The following CCSER1 variants were observed in gnomAD, a reference collection of about 807,000 sequenced individuals.
The protein encoded by CCSER1 is serine-rich coiled-coil domain-containing protein 1.
Under a neutral mutation model 82.0 loss-of-function variants are expected in CCSER1, and 41 were observed. The observed-to-expected ratio is 0.50, with a 90% CI of 0.39 to 0.65. CCSER1 has a LOEUF of 0.65. Ranked by LOEUF, CCSER1 falls within the 30% of genes least tolerant of loss-of-function variation. The probability of loss-of-function intolerance (pLI) is 0.00; values close to 1 mark genes in which losing one functional copy is unlikely to be tolerated. For missense variants in CCSER1, 1,119 were observed against 1,064.2 expected (o/e 1.05, Z -0.72); for synonymous variants, 414 against 383.9 (o/e 1.08, Z -0.92).
chr4:90,562,724 G>T (rs1026236138), intron 5 of CCSER1, among the ~76,000 whole-genome samples: 4 of 151,616 alleles, frequency 2.6e-5, no homozygotes, highest in African/African-American at 9.7e-5. Context: ...TTTTAGTAGA[G>T]ATAAGGTTTC....
chr4:90,158,664 C>T (rs995500884), intron 1 of CCSER1, among the ~76,000 whole-genome samples: 6 of 152,282 alleles, frequency 3.9e-5, no homozygotes, highest in South Asian at 4.1e-4. Flanking sequence ...ACTCCGTGGG[C>T]GTAGGACCCT....
chr4:90,559,631 G>C (rs1479647515), intron 5 of CCSER1, among the ~76,000 whole-genome samples: 1 of 151,756 alleles, frequency 6.6e-6, no homozygotes, highest in East Asian at 1.9e-4. Context: ...GGCCAGCCTG[G>C]GCAATATGGC....
At chr4:91,396,036 T>C (rs1751959230) in intron 10 of CCSER1, among the ~76,000 whole-genome samples, 1 of 152,102 alleles carries the variant, frequency 6.6e-6, no homozygotes, top group Non-Finnish European at 1.5e-5. Flanking sequence ...CGTGTATTCA[T>C]TTCTAGATAG....
chr4:91,598,456 A>T (rs886889261), intron 10 of CCSER1, 116 bp from the exon 11 acceptor site: 2 of 1,069,264 alleles, frequency 1.9e-6, no homozygotes, highest in Non-Finnish European at 1.3e-6. Flanking sequence ...TAATTTTATA[A>T]ACCTCATTGA....
intron 10 of CCSER1, among the ~76,000 whole-genome samples, chr4:91,418,963 A>G (rs775997321): frequency 6.6e-6 from 1 of 152,048 alleles, no homozygotes; most frequent in Non-Finnish European, 1.5e-5. Flanking sequence ...TAAGTGTAAT[A>G]TATCACATTT....
At position 90,835,578 on chromosome 4, in the gene CCSER1, A is replaced by T. The variant is rs549797914; in HGVS notation, c.2094+19733A>T. ...TCACTGTGTGCTGTTCATACATGGG[A>T]TTTGCCCCCTGAGCATATTTTATTT... On this transcript the variant is annotated intron_variant, in intron 8 of 10. Transcript: ENST00000509176. Among the ~76,000 whole-genome samples the T allele has an allele frequency of 3.3e-5, 5 of 152,110 alleles. No homozygotes were observed. In the South Asian group the frequency reaches 1.0e-3, roughly 32 times the overall value.
intron 3 of CCSER1, among the ~76,000 whole-genome samples, chr4:90,380,686 A>T (rs867349825): frequency 6.6e-6 from 1 of 152,320 alleles, no homozygotes; most frequent in Non-Finnish European, 1.5e-5. Context: ...GGATCTAGCC[A>T]TGCAAAGAAA....
chr4:90,506,529 A>G (rs1387398023), intron 5 of CCSER1, among the ~76,000 whole-genome samples: 1 of 152,068 alleles, frequency 6.6e-6, no homozygotes, highest in African/African-American at 2.4e-5. Flanking sequence ...TTGAGAGGCC[A>G]AGGCAGGTGG....
At chr4:90,137,404 C>A (rs1024719682) in intron 1 of CCSER1, among the ~76,000 whole-genome samples, 1 of 152,062 alleles carries the variant, frequency 6.6e-6, no homozygotes, top group East Asian at 1.9e-4. Flanking sequence ...GGAAGTTTTA[C>A]GTTGATTATC....
intron 10 of CCSER1, among the ~76,000 whole-genome samples, chr4:91,288,874 G>A (rs189996078): frequency 1.9e-3 from 286 of 152,112 alleles, no homozygotes; most frequent in East Asian, 0.011. Flanking sequence ...ATCAGTGACA[G>A]CCAGGAACGT....
At chr4:90,703,796 C>T (rs935169762) in intron 6 of CCSER1, among the ~76,000 whole-genome samples, 14 of 152,012 alleles carry the variant, frequency 9.2e-5, no homozygotes, top group Non-Finnish European at 1.5e-4. Flanking sequence ...GGATTGCAAC[C>T]CCCACTTTTT....
intron 10 of CCSER1, among the ~76,000 whole-genome samples, chr4:91,100,157 C>G (rs1022442787): frequency 6.6e-6 from 1 of 151,372 alleles, no homozygotes; most frequent in African/African-American, 2.4e-5. Flanking sequence ...GGGCATGACT[C>G]CCCAGACCCT....
intron 5 of CCSER1, among the ~76,000 whole-genome samples, chr4:90,488,311 C>T (rs981824924): frequency 2.7e-4 from 41 of 152,014 alleles, no homozygotes; most frequent in African/African-American, 9.7e-4. Context: ...CTTCAGCCTC[C>T]CGAGTAGCTG....
chr4:91,128,482 C>CT lies in CCSER1; in HGVS notation c.2217+42489dup, dbSNP rs1228489378. Reference sequence around the variant, plus strand: ...CAAAAAGAATTTATAATCTAGTGGTCTGATTGGAGAACACAACAGGTGTAT... The same window carrying CT: ...CAAAAAGAATTTATAATCTAGTGGTCTTGATTGGAGAACACAACAGGTGTAT... On this transcript the variant is annotated intron_variant, in intron 10 of 10. Transcript: ENST00000509176. 5.3e-5 allele frequency among the ~76,000 whole-genome samples: 8 copies of CT among 152,136 alleles called. No homozygotes were observed. The East Asian group carries it at 1.4e-3, about 26-fold the overall frequency.
chr4:90,262,881 A>G (rs1202965930), intron 1 of CCSER1, among the ~76,000 whole-genome samples: 2 of 152,132 alleles, frequency 1.3e-5, no homozygotes, highest in African/African-American at 2.4e-5. Flanking sequence ...CACTCATGCA[A>G]TCCTGAACCT....
At chr4:90,825,471 A>G (rs979847054) in intron 8 of CCSER1, among the ~76,000 whole-genome samples, 4 of 152,056 alleles carry the variant, frequency 2.6e-5, no homozygotes, top group Non-Finnish European at 1.5e-5. Flanking sequence ...AATGATAGCC[A>G]AAGACTTAGA....
rs775741786 is a variant in CCSER1 at position 90,468,240 on chromosome 4, G to A, written c.1610G>A (p.Arg537Gln). 19 of 1,591,294 alleles carry A rather than the reference G, an allele frequency of 1.2e-5. No homozygotes were observed. The highest frequency in any genetic ancestry group is 8.1e-5 in the African/African-American group (6 of 74,452). Residue 537 changes from arginine (R) to glutamine (Q), a missense_variant, in exon 5 of 11, where the codon CGG (arginine) becomes CAG (glutamine). Physicochemically the swap from Arg to Gln is conservative, Grantham distance 43. Coordinates refer to ENST00000509176, the MANE Select transcript of CCSER1 (RefSeq NM_001145065.2). ...EEQSLHPSVC[R>Q]EDSYHSVVSC... ...CCTCGGTTTTTTTGAACAGTTTGCC[G>A]GGAGGACTCATATCACTCTGTCGTC... is the stretch of plus-strand genomic sequence containing the variant.
At chr4:90,577,530 T>C (rs1004477246) in intron 5 of CCSER1, among the ~76,000 whole-genome samples, 2 of 152,146 alleles carry the variant, frequency 1.3e-5, no homozygotes, top group African/African-American at 4.8e-5. Context: ...TCTCTCCACT[T>C]TTTAGGGCAT....
chr4:91,041,484 T>C (rs895060922), intron 9 of CCSER1, among the ~76,000 whole-genome samples: 2 of 152,198 alleles, frequency 1.3e-5, no homozygotes, highest in Non-Finnish European at 2.9e-5. Flanking sequence ...TTTCCGATAC[T>C]TTGTTTTAAC....
Sources: allele counts gnomAD v4.1 joint callset (sites outside exome capture counted in the v4.1 genomes callset), GRCh38; gene constraint gnomAD v4.1.1; transcripts MANE v1.5; gene names NCBI Gene and HGNC (gene_info 2026-07-23, HGNC 2026-07-21).